The following TUBGCP3 variants were observed in gnomAD, a reference collection of about 807,000 sequenced individuals.
The protein encoded by TUBGCP3 is gamma-tubulin complex component 3.
TUBGCP3 carries 50 observed loss-of-function variants against 123.1 expected under a neutral mutation model. The observed-to-expected ratio is 0.41, with a 90% CI of 0.32 to 0.51. TUBGCP3 has a LOEUF of 0.51. Ranked by LOEUF, TUBGCP3 falls within the 20% of genes least tolerant of loss-of-function variation. The pLI is 0.36. For missense variants in TUBGCP3, 882 were observed against 1,127.0 expected, an observed-to-expected ratio of 0.78 and a Z score of 3.11; for synonymous variants, 405 against 413.9, an observed-to-expected ratio of 0.98 and a Z score of 0.26.
At chr13:112,602,237 G>A in the TUBGCP3 span, among the ~76,000 whole-genome samples, 1 of 152,166 alleles carries the variant, frequency 6.6e-6, no homozygotes, top group Non-Finnish European at 1.5e-5. Flanking sequence ...TAGCCCTTCA[G>A]TCCTAAGGAA....
the TUBGCP3 span, chr13:112,604,910 T>C: frequency 6.6e-6 from 1 of 152,274 alleles, no homozygotes; most frequent in African/African-American, 2.4e-5. Context: ...ATGGATGTGC[T>C]GCTCTTTATG....
At chr13:112,547,593 CGT>C in intron 10 of TUBGCP3, 25 bp downstream of exon 10, 1 of 1,457,314 alleles carries the variant, frequency 6.9e-7, no homozygotes. Flanking sequence ...GTGGGAAAGA[CGT>C]GCGTGGGAAA....
chr13:112,551,075 G>A (rs9577798), intron 8 of TUBGCP3, among the ~76,000 whole-genome samples: 23,809 of 152,022 alleles, frequency 0.16, 2,026 homozygotes, highest in Non-Finnish European at 0.2. Context: ...CTCCAGCCTG[G>A]GTGACAGAGC....
rs1040459009 is a variant in TUBGCP3, at chr13:112,554,189, A to C, written c.841-7T>G. The stretch of plus-strand genomic sequence containing the variant: ...AAGACCTACTTAGATTTGCCTAAAA[A>C]GTAAATACATCAAATGTTAAACATT... On this transcript the variant is annotated splice_polypyrimidine_tract_variant and splice_region_variant and intron_variant, in intron 7 of 21. Coordinates refer to ENST00000261965, the MANE Select transcript of TUBGCP3 (RefSeq NM_006322.6). 6.2e-7 allele frequency: 1 copy of C among 1,612,504 alleles called. No individual in the cohort carries two copies. The highest frequency in any genetic ancestry group is 1.1e-5 in the South Asian group (1 of 90,536).
At chr13:112,536,073 G>A (rs1449521159) in intron 11 of TUBGCP3, among the ~76,000 whole-genome samples, 1 of 152,216 alleles carries the variant, frequency 6.6e-6, no homozygotes, top group African/African-American at 2.4e-5. Context: ...TAAAAATGAA[G>A]ATGTACTTCT....
At chr13:112,502,761 G>A (rs1278387837) in intron 19 of TUBGCP3, among the ~76,000 whole-genome samples, 2 of 151,836 alleles carry the variant, frequency 1.3e-5, no homozygotes, top group African/African-American at 4.8e-5. Flanking sequence ...TACCCAGGAT[G>A]GTCTCAAGCT....
intron 1 of TUBGCP3, among the ~76,000 whole-genome samples, chr13:112,570,569 C>G (rs1301380659): frequency 6.6e-6 from 1 of 152,208 alleles, no homozygotes; most frequent in Non-Finnish European, 1.5e-5. Flanking sequence ...ATCATCTGAG[C>G]CTTCAGCAAG....
chr13:112,558,178 A>T lies in TUBGCP3; in HGVS notation c.548+18T>A, dbSNP rs774135539. 1.0e-5 allele frequency: 16 copies of T among 1,602,070 alleles called. No homozygotes were observed. The Middle Eastern group carries it at 9.1e-4, about 91-fold the overall frequency. ...TTTCTAACACATAGAGAATCTATACACGTCAGTGTGGCCTTACCCTGGGAG... is the reference window on the plus strand; with the variant it reads ...TTTCTAACACATAGAGAATCTATACTCGTCAGTGTGGCCTTACCCTGGGAG... On this transcript the variant is annotated intron_variant, in intron 5 of 21. Transcript: ENST00000261965.
chr13:112,518,998 G>A lies in TUBGCP3; in HGVS notation c.1927C>T (p.His643Tyr), dbSNP rs771123501. Reference sequence around the variant, plus strand: ...ACAGTTGCAATTGGTCCGTCAACATGATAATCGAGGCTGAAGACATCCCAT... The same window carrying A: ...ACAGTTGCAATTGGTCCGTCAACATAATAATCGAGGCTGAAGACATCCCAT... ...TGWDVFSLDY[H>Y]VDGPIATVFT... Residue 643 changes from histidine (H) to tyrosine (Y), a missense_variant, in exon 16 of 22, where the codon CAT (histidine) becomes TAT (tyrosine). His to Tyr is a moderately conservative substitution (Grantham distance 83). Transcript: ENST00000261965. 3.1e-6 allele frequency: 5 copies of A among 1,613,828 alleles called. No individual in the cohort carries two copies. Among genetic ancestry groups the A allele is most frequent in the African/African-American group, 1.3e-5 (1 of 74,912 alleles).
chr13:112,531,155 A>G (rs1877539927), intron 11 of TUBGCP3, among the ~76,000 whole-genome samples: 1 of 149,240 alleles, frequency 6.7e-6, no homozygotes, highest in African/African-American at 2.6e-5. Flanking sequence ...TGATCCTTTT[A>G]AGGGCCAGAC....
chr13:112,519,020 C>A lies in TUBGCP3; in HGVS notation c.1905G>T (p.Trp635Cys). ...LLEVSPGDTG[W>C]DVFSLDYHVD... ...CATGATAATCGAGGCTGAAGACATC[C>A]CATCCAGTGTCACCTGGAGAGACCT... is the stretch of plus-strand genomic sequence containing the variant. Residue 635 changes from tryptophan (W) to cysteine (C), a missense_variant, in exon 16 of 22, where the codon TGG (tryptophan) becomes TGT (cysteine). Coordinates refer to ENST00000261965, the MANE Select transcript of TUBGCP3 (RefSeq NM_006322.6). This position sits in a 1 kb window ranked among gnomAD's most constrained non-coding sequence, Gnocchi z 6.2. The A allele has an allele frequency of 6.2e-7, 1 of 1,613,940 alleles. No homozygotes were observed. The highest frequency in any genetic ancestry group is 8.5e-7 in the Non-Finnish European group (1 of 1,179,842).
At chr13:112,503,987 G>T in intron 19 of TUBGCP3, 45 bp downstream of exon 19, 2 of 1,560,658 alleles carry the variant, frequency 1.3e-6, no homozygotes, top group Non-Finnish European at 1.7e-6. Context: ...AAGAAAAGAA[G>T]ATGATTCTTT....
At chr13:112,502,539 CT>C (rs1880987550) in intron 19 of TUBGCP3, among the ~76,000 whole-genome samples, 1 of 129,872 alleles carries the variant, frequency 7.7e-6, no homozygotes, top group Non-Finnish European at 1.6e-5. Flanking sequence ...AAGTACATTT[CT>C]TCTTTTTTTT....
In TUBGCP3 at chr13:112,527,004, T is replaced by G; in HGVS notation, c.1493A>C (p.His498Pro). 1.9e-6 allele frequency: 3 copies of G among 1,614,198 alleles called. No homozygotes were observed. The South Asian group carries it at 3.3e-5, about 18-fold the overall frequency. Residue 498 changes from histidine (H) to proline (P), a missense_variant, in exon 13 of 22, where the codon CAT becomes CCT. His to Pro is a moderately conservative substitution (Grantham distance 77, BLOSUM62 -2). Transcript: ENST00000261965. ...CATCTTTGTAGTGGGAGTCTGATCA[T>G]GACAAACTTGGTGCAAGAAATTTAT... The part of the protein sequence containing the change: ...KSINFLHQVC[H>P]DQTPTTKMIA...
At chr13:112,522,097 T>C (rs1876673622) in intron 14 of TUBGCP3, among the ~76,000 whole-genome samples, 1 of 152,208 alleles carries the variant, frequency 6.6e-6, no homozygotes, top group South Asian at 2.1e-4. Flanking sequence ...GTTTCTCTTA[T>C]GAATAAAGCA....
chr13:112,530,432 T>C (rs573764968), intron 11 of TUBGCP3, among the ~76,000 whole-genome samples: 6 of 152,372 alleles, frequency 3.9e-5, no homozygotes, highest in African/African-American at 1.4e-4. Context: ...AAAAATCGCA[T>C]ATACAACTGA....
chr13:112,547,501 G>A, intron 10 of TUBGCP3, 119 bp downstream of exon 10: 1 of 1,329,800 alleles, frequency 7.5e-7, no homozygotes, highest in Non-Finnish European at 9.7e-7. Context: ...GCGAGTGCCA[G>A]ACGCGCGTGG....
chr13:112,573,618 C>T (rs1317259714), intron 1 of TUBGCP3, among the ~76,000 whole-genome samples: 1 of 152,194 alleles, frequency 6.6e-6, no homozygotes, highest in African/African-American at 2.4e-5. Context: ...GAATGTTCCC[C>T]ACTACAATCT....
chr13:112,603,425 A>G, the TUBGCP3 span: 1 of 152,214 alleles, frequency 6.6e-6, no homozygotes, highest in Non-Finnish European at 1.5e-5. Context: ...GAAGAATTCC[A>G]TATAACGGTC....
Sources: allele counts gnomAD v4.1 joint callset (sites outside exome capture counted in the v4.1 genomes callset), GRCh38; gene constraint gnomAD v4.1.1; non-coding constraint Gnocchi (gnomAD v3.1); transcripts MANE v1.5; gene names NCBI Gene and HGNC (gene_info 2026-07-23, HGNC 2026-07-21).